The following FER variants were observed in gnomAD, a reference collection of about 807,000 sequenced individuals.
FER encodes FER tyrosine kinase.
Under a neutral mutation model 111.0 loss-of-function variants are expected in FER, and 63 were observed. The ratio of observed to expected loss-of-function variants is 0.57; its 90% CI spans 0.46 to 0.70. FER has a LOEUF of 0.70. FER is among the 30% of genes least tolerant of loss of function. The probability of loss-of-function intolerance (pLI) is 0.00; values close to 1 mark genes in which losing one functional copy is unlikely to be tolerated. For missense variants in FER, 914 were observed against 954.0 expected, an observed-to-expected ratio of 0.96 and a Z score of 0.55; for synonymous variants, 327 against 313.9, an observed-to-expected ratio of 1.04 and a Z score of -0.44.
intron 13 of FER, among the ~76,000 whole-genome samples, chr5:109,019,859 G>A (rs557015748): frequency 2.6e-5 from 4 of 151,628 alleles, no homozygotes; most frequent in African/African-American, 4.8e-5. Context: ...AATGTTTTAC[G>A]ACTGATTTTA....
At chr5:109,062,574 A>G (rs946745562) in intron 16 of FER, among the ~76,000 whole-genome samples, 4 of 152,064 alleles carry the variant, frequency 2.6e-5, no homozygotes, top group Non-Finnish European at 5.9e-5. Flanking sequence ...TATATGTAAA[A>G]TATGTAGTCT....
chr5:109,143,759 C>T (rs1419499564), intron 17 of FER, among the ~76,000 whole-genome samples: 3 of 150,902 alleles, frequency 2.0e-5, no homozygotes, highest in African/African-American at 7.3e-5. Context: ...AGGCTGGATT[C>T]GAACTCCTAG....
intron 13 of FER, among the ~76,000 whole-genome samples, chr5:109,006,592 T>C (rs1233602790): frequency 6.6e-6 from 1 of 152,232 alleles, no homozygotes; most frequent in Non-Finnish European, 1.5e-5. Context: ...AAGCAAGGTT[T>C]TGCTTTTTGT....
intron 13 of FER, among the ~76,000 whole-genome samples, chr5:109,029,158 A>T (rs1479141072): frequency 6.7e-6 from 1 of 150,056 alleles, no homozygotes; most frequent in African/African-American, 2.4e-5. Context: ...TCACAGAGTT[A>T]TTGTGAAAGT....
At chr5:109,128,078 G>A (rs1401575110) in intron 17 of FER, among the ~76,000 whole-genome samples, 1 of 152,152 alleles carries the variant, frequency 6.6e-6, no homozygotes, top group Non-Finnish European at 1.5e-5. Context: ...AAATTGAGAT[G>A]TGGAATGTAA....
intron 11 of FER, among the ~76,000 whole-genome samples, chr5:108,949,747 G>GT (rs533672755): frequency 3.3e-5 from 5 of 152,084 alleles, no homozygotes; most frequent in Non-Finnish European, 7.4e-5. Flanking sequence ...GTTGCAATGT[G>GT]TGATAAGATT....
At chr5:108,894,839 G>A (rs1472448479) in intron 9 of FER, among the ~76,000 whole-genome samples, 2 of 151,976 alleles carry the variant, frequency 1.3e-5, no homozygotes, top group Admixed American at 6.6e-5. Flanking sequence ...TGAGACTCAC[G>A]TACTGCCGCG....
At position 109,131,419 on chromosome 5, in the gene FER, C is replaced by T. The variant is rs551407570; in HGVS notation, c.2048+30900C>T. 2.6e-5 allele frequency among the ~76,000 whole-genome samples: 4 copies of T among 152,134 alleles called. No individual in the cohort carries two copies. In the South Asian group the frequency reaches 8.3e-4, roughly 32 times the overall value. On this transcript the variant is annotated intron_variant, in intron 17 of 19. Coordinates refer to ENST00000281092, the MANE Select transcript of FER (RefSeq NM_005246.4). ...CCTTTGCTGTAGCATAAGATTTTTTCCCCTGTGATCTTCAGTGGAGACAGA... is the reference window on the plus strand; with the variant it reads ...CCTTTGCTGTAGCATAAGATTTTTTTCCCTGTGATCTTCAGTGGAGACAGA...
intron 14 of FER, among the ~76,000 whole-genome samples, chr5:109,038,879 TGTTTA>T (rs1175339178): frequency 2.0e-5 from 3 of 152,088 alleles, no homozygotes; most frequent in Non-Finnish European, 4.4e-5. Context: ...TCTATTTTTG[TGTTTA>T]GTTTATGCTA....
At chr5:109,107,565 T>C (rs2150080916) in intron 17 of FER, among the ~76,000 whole-genome samples, 1 of 152,252 alleles carries the variant, frequency 6.6e-6, no homozygotes. Flanking sequence ...CTCACACTTA[T>C]AAGTGAGAAT....
At chr5:108,883,330 C>A in intron 8 of FER, 66 bp from the exon 9 acceptor site, 1 of 1,434,226 alleles carries the variant, frequency 7.0e-7, no homozygotes, top group Non-Finnish European at 9.3e-7. Flanking sequence ...TGTATGAATA[C>A]TTTTTTGATA....
At chr5:108,994,998 A>G (rs1190985713) in intron 13 of FER, among the ~76,000 whole-genome samples, 1 of 152,146 alleles carries the variant, frequency 6.6e-6, no homozygotes, top group East Asian at 1.9e-4. Flanking sequence ...TACCAGCTTA[A>G]GGAGATTTGG....
chr5:108,982,130 C>T (rs779645772), intron 13 of FER, among the ~76,000 whole-genome samples: 2 of 152,052 alleles, frequency 1.3e-5, no homozygotes, highest in Non-Finnish European at 2.9e-5. Context: ...CCACCCCACA[C>T]CTACAGAATC....
chr5:108,920,497 A>G (rs1045303289), intron 10 of FER, among the ~76,000 whole-genome samples: 1 of 150,504 alleles, frequency 6.6e-6, no homozygotes, highest in African/African-American at 2.5e-5. Flanking sequence ...AAACCCTCAA[A>G]TCTGCCATTC....
intron 16 of FER, among the ~76,000 whole-genome samples, chr5:109,064,521 A>T (rs955141951): frequency 1.3e-5 from 2 of 152,100 alleles, no homozygotes; most frequent in African/African-American, 4.8e-5. Flanking sequence ...GTGCCAAGGG[A>T]TTTTTTTCTA....
In FER at chr5:109,100,357, C is replaced by G. The variant is rs1198262319; in HGVS notation, c.1925-39C>G. On this transcript the variant is annotated intron_variant, in intron 16 of 19. Transcript: ENST00000281092. ...AATAGATGATAAATGTGACTTTCATCATAACTTTGTCTCATTGTTCATCTA... is the reference window on the plus strand; with the variant it reads ...AATAGATGATAAATGTGACTTTCATGATAACTTTGTCTCATTGTTCATCTA... The G allele has an allele frequency of 3.1e-6, 5 of 1,602,656 alleles. No homozygotes were observed. The South Asian group carries it at 5.5e-5, about 18-fold the overall frequency.
chr5:108,860,035 G>A (rs1208593846), intron 5 of FER, among the ~76,000 whole-genome samples: 3 of 151,408 alleles, frequency 2.0e-5, no homozygotes, highest in South Asian at 2.1e-4. Flanking sequence ...TCCACCTCCC[G>A]GGTTCCAGTG....
chr5:109,097,078 A>G (rs1051907929), intron 16 of FER, among the ~76,000 whole-genome samples: 1 of 150,994 alleles, frequency 6.6e-6, no homozygotes. Flanking sequence ...TGATACTTTA[A>G]ATACATTTTA....
chr5:108,996,050 C>A (rs949676667), intron 13 of FER, among the ~76,000 whole-genome samples: 2 of 152,066 alleles, frequency 1.3e-5, no homozygotes, highest in Admixed American at 1.3e-4. Flanking sequence ...GTTTGTTGGC[C>A]GCATAAATGT....
Sources: gnomAD v4.1 joint callset for allele counts (sites outside exome capture counted in the v4.1 genomes callset) on GRCh38, gnomAD v4.1.1 for gene constraint, MANE v1.5 for transcripts, NCBI Gene and HGNC (gene_info 2026-07-23, HGNC 2026-07-21) for gene names.